The following CNTNAP2 variants were observed in gnomAD, a reference collection of about 807,000 sequenced individuals.
The protein encoded by CNTNAP2 is contactin-associated protein-like 2.
Under a neutral mutation model 155.2 loss-of-function variants are expected in CNTNAP2, and 98 were observed. That is an observed-to-expected ratio of 0.63 (90% CI 0.54 to 0.75). The LOEUF (loss-of-function observed/expected upper bound fraction) is 0.75, where lower values mean the gene tolerates loss of function less well. CNTNAP2 is among the 30% of genes least tolerant of loss of function. CNTNAP2 has a pLI of 0.00. For synonymous variants in CNTNAP2, 651 were observed against 631.2 expected (o/e 1.03, Z -0.47); for missense variants, 1,727 against 1,688.1 (o/e 1.02, Z -0.40).
At chr7:146,943,919 C>T (rs1345195955) in intron 3 of CNTNAP2, among the ~76,000 whole-genome samples, 2 of 152,058 alleles carry the variant, frequency 1.3e-5, no homozygotes, top group African/African-American at 2.4e-5. Flanking sequence ...CAGCTCACCG[C>T]AATAGCAGTA....
rs150518212 is a variant in CNTNAP2, at chr7:146,332,025, A to G, written c.97+215052A>G. ...TTTATTACCACGTACATATATATGTATGTGTATTTATGTAAAAATATATAT... is the reference window on the plus strand; with the variant it reads ...TTTATTACCACGTACATATATATGTGTGTGTATTTATGTAAAAATATATAT... On this transcript the variant is annotated intron_variant, in intron 1 of 23. Coordinates refer to ENST00000361727, the MANE Select transcript of CNTNAP2 (RefSeq NM_014141.6). 6.6e-3 allele frequency among the ~76,000 whole-genome samples: 1,000 copies of G among 152,212 alleles called. 31 individuals are homozygous for G. The highest frequency in any genetic ancestry group is 4.1e-3 in the Non-Finnish European group (281 of 68,004).
intron 1 of CNTNAP2, among the ~76,000 whole-genome samples, chr7:146,641,202 C>T (rs1799700545): frequency 6.6e-6 from 1 of 152,150 alleles, no homozygotes; most frequent in African/African-American, 2.4e-5. Flanking sequence ...TGGCGGGGGC[C>T]TGTAGTCCCA....
intron 18 of CNTNAP2, among the ~76,000 whole-genome samples, chr7:148,186,164 A>G (rs1192859433): frequency 2.0e-5 from 3 of 152,242 alleles, no homozygotes; most frequent in Non-Finnish European, 4.4e-5. Flanking sequence ...AAATCAAAGT[A>G]TGTCGTGGTT....
At chr7:146,120,333 G>T (rs572417077) in intron 1 of CNTNAP2, among the ~76,000 whole-genome samples, 1 of 152,188 alleles carries the variant, frequency 6.6e-6, no homozygotes, top group East Asian at 1.9e-4. Context: ...CACATTATTT[G>T]CTTAATGCAA....
intron 3 of CNTNAP2, among the ~76,000 whole-genome samples, chr7:146,932,787 C>T (rs570914432): frequency 1.3e-5 from 2 of 152,006 alleles, no homozygotes; most frequent in Admixed American, 1.3e-4. Flanking sequence ...TTCTTATACA[C>T]CAATAACAGA....
chr7:147,799,987 G>A (rs373160326), intron 13 of CNTNAP2, among the ~76,000 whole-genome samples: 21 of 152,248 alleles, frequency 1.4e-4, no homozygotes, highest in African/African-American at 4.6e-4. Context: ...CTCTGTCATG[G>A]GCATTTGTGG....
At chr7:147,252,838 C>G (rs1005977543) in intron 8 of CNTNAP2, among the ~76,000 whole-genome samples, 2 of 152,106 alleles carry the variant, frequency 1.3e-5, no homozygotes, top group African/African-American at 2.4e-5. Context: ...AAGAATTATC[C>G]CCATTTTATA....
chr7:146,368,035 C>A (rs1795179745), intron 1 of CNTNAP2, among the ~76,000 whole-genome samples: 1 of 152,088 alleles, frequency 6.6e-6, no homozygotes, highest in South Asian at 2.1e-4. Context: ...TCCCTGAATT[C>A]TCTCTTGCTT....
chr7:146,941,818 A>G (rs566531289), intron 3 of CNTNAP2, among the ~76,000 whole-genome samples: 20 of 152,060 alleles, frequency 1.3e-4, no homozygotes, highest in African/African-American at 4.6e-4. Context: ...TATTATCCAA[A>G]TCTTTTCTGG....
Position 147,736,256 on chromosome 7 carries a change from T to G in CNTNAP2, c.2098+96950T>G, listed in dbSNP as rs879684818. 3.5e-3 allele frequency among the ~76,000 whole-genome samples: 529 copies of G among 152,042 alleles called. 1 individual carries two copies. The highest frequency in any genetic ancestry group is 4.9e-3 in the Non-Finnish European group (332 of 67,962). On this transcript the variant is annotated intron_variant, in intron 13 of 23. Transcript: ENST00000361727. ...TCTCAGCATTTGCTTGTCTATAAAGTATTTTATTTCTCCTTCACTTATGAA... is the reference window on the plus strand; with the variant it reads ...TCTCAGCATTTGCTTGTCTATAAAGGATTTTATTTCTCCTTCACTTATGAA...
chr7:146,456,742 C>T (rs559366926), intron 1 of CNTNAP2, among the ~76,000 whole-genome samples: 1 of 152,148 alleles, frequency 6.6e-6, no homozygotes, highest in East Asian at 1.9e-4. Context: ...GTCAGTATCC[C>T]TTTAAAATAA....
chr7:147,453,887 T>C (rs940967374), intron 10 of CNTNAP2, among the ~76,000 whole-genome samples: 1 of 152,158 alleles, frequency 6.6e-6, no homozygotes, highest in Non-Finnish European at 1.5e-5. Context: ...TTTTTGAGAA[T>C]TGTATTCTTC....
Position 146,376,523 on chromosome 7 carries a change from C to T in CNTNAP2, c.97+259550C>T, listed in dbSNP as rs938774694. 2.6e-5 allele frequency among the ~76,000 whole-genome samples: 4 copies of T among 152,236 alleles called. No individual in the cohort carries two copies. In the East Asian group the frequency reaches 7.7e-4, roughly 29 times the overall value. On this transcript the variant is annotated intron_variant, in intron 1 of 23. Coordinates refer to ENST00000361727, the MANE Select transcript of CNTNAP2 (RefSeq NM_014141.6). The stretch of plus-strand genomic sequence containing the variant: ...TTTTTTGGCTTTCTACCTATCAAAA[C>T]TTCTTGTAAGAGTTTTCTATATTGG...
chr7:146,343,620 A>T (rs910957385), intron 1 of CNTNAP2, among the ~76,000 whole-genome samples: 7 of 152,224 alleles, frequency 4.6e-5, no homozygotes, highest in African/African-American at 1.7e-4. Flanking sequence ...GGATTTTTTA[A>T]AAATATGCTA....
At chr7:147,414,534 A>G (rs535108650) in intron 10 of CNTNAP2, among the ~76,000 whole-genome samples, 44 of 151,804 alleles carry the variant, frequency 2.9e-4, no homozygotes, top group African/African-American at 9.9e-4. Context: ...TTGATTCACT[A>G]TCAGCAGCTT....
chr7:146,485,673 A>G (rs1178970339), intron 1 of CNTNAP2, among the ~76,000 whole-genome samples: 1 of 152,110 alleles, frequency 6.6e-6, no homozygotes, highest in Non-Finnish European at 1.5e-5. Context: ...TCCAAGCTGG[A>G]GTGCAGTGGT....
At chr7:146,847,314 G>A (rs2129202193) in intron 3 of CNTNAP2, among the ~76,000 whole-genome samples, 1 of 152,158 alleles carries the variant, frequency 6.6e-6, no homozygotes, top group African/African-American at 2.4e-5. Context: ...GAGAGGCCGT[G>A]GAATGAGTAA....
chr7:146,320,318 G>C (rs1800979325), intron 1 of CNTNAP2, among the ~76,000 whole-genome samples: 1 of 151,976 alleles, frequency 6.6e-6, no homozygotes, highest in Non-Finnish European at 1.5e-5. Flanking sequence ...GGCTGTTGTA[G>C]TTATACTCCA....
At chr7:146,721,211 A>G (rs1452099416) in intron 1 of CNTNAP2, among the ~76,000 whole-genome samples, 1 of 132,042 alleles carries the variant, frequency 7.6e-6, no homozygotes, top group Non-Finnish European at 1.5e-5. Context: ...TTCTCTGTAT[A>G]TATTCTCTAT....
Sources: gnomAD v4.1 joint callset for allele counts (sites outside exome capture counted in the v4.1 genomes callset) on GRCh38, gnomAD v4.1.1 for gene constraint, MANE v1.5 for transcripts, NCBI Gene and HGNC (gene_info 2026-07-23, HGNC 2026-07-21) for gene names.